Variants in FER1L5 observed in about 807,000 individuals in gnomAD.
FER1L5 encodes fer-1-like protein 5.
A neutral mutation model predicts 279.9 loss-of-function variants in FER1L5; 187 were observed. The ratio of observed to expected loss-of-function variants is 0.67; its 90% confidence interval spans 0.59 to 0.75. The LOEUF (loss-of-function observed/expected upper bound fraction) is 0.75, where lower values mean the gene tolerates loss of function less well. FER1L5 is among the 30% of genes least tolerant of loss of function. The pLI is 0.00. For missense variants in FER1L5, 2,091 were observed against 2,594.4 expected (o/e 0.81, Z 4.21); for synonymous variants, 921 against 989.7 (o/e 0.93, Z 1.30).
In FER1L5 at chr2:96,664,170, G is replaced by C. The variant is rs140920999; in HGVS notation, c.1140+663G>C. ...GAGAGAGAGGAAGGAGAGAGGGAGG[G>C]AAGGAGGGATGGAAGGGGAGGGAAG... On this transcript the variant is annotated intron_variant, in intron 14 of 52. Transcript: ENST00000624922. Among the ~76,000 whole-genome samples, 438 of 151,314 alleles carry C rather than the reference G, an allele frequency of 2.9e-3. 2 individuals are homozygous for C. The highest frequency in any genetic ancestry group is 0.01 in the African/African-American group (419 of 41,278).
intron 9 of FER1L5, 110 bp from the exon 10 acceptor site, chr2:96,660,231 G>T: frequency 9.3e-7 from 1 of 1,080,708 alleles, no homozygotes; most frequent in South Asian, 1.3e-5. Flanking sequence ...AGGAGTTAGG[G>T]CAGAGAACAT....
intron 14 of FER1L5, among the ~76,000 whole-genome samples, chr2:96,664,137 A>G (rs1265492614): frequency 2.7e-5 from 4 of 150,848 alleles, no homozygotes; most frequent in African/African-American, 9.7e-5. Flanking sequence ...GAAAAAAGAA[A>G]AGAGAGAGAG....
Position 96,697,773 on chromosome 2 carries a change from G to C in FER1L5, c.4236+12G>C. The C allele has an allele frequency of 6.2e-7, 1 of 1,612,816 alleles. No homozygotes were observed. Among genetic ancestry groups the C allele is most frequent in the Non-Finnish European group, 8.5e-7 (1 of 1,178,916 alleles). On this transcript the variant is annotated intron_variant, in intron 39 of 52. Coordinates refer to ENST00000624922, the MANE Select transcript of FER1L5 (RefSeq NM_001293083.2). ...ACCACACCCTCAAGGTTTGAAGGAGGGAAGAAATGGGATGGAATCAAATCT... is the reference window on the plus strand; with the variant it reads ...ACCACACCCTCAAGGTTTGAAGGAGCGAAGAAATGGGATGGAATCAAATCT...
intron 9 of FER1L5, among the ~76,000 whole-genome samples, chr2:96,659,417 CTTTCTTTCTTTCTT>C (rs2075817823): frequency 1.4e-4 from 1 of 7,214 alleles, no homozygotes; most frequent in Non-Finnish European, 2.2e-4. Flanking sequence ...TTCTTTCTTT[CTTTCTTTCTTTCTT>C]TCTTTCTTTC....
chr2:96,648,421 G>C (rs1412808699), intron 4 of FER1L5, among the ~76,000 whole-genome samples: 1 of 152,264 alleles, frequency 6.6e-6, no homozygotes, highest in African/African-American at 2.4e-5. Flanking sequence ...GGGAGCGGGA[G>C]AGCTTCACAG....
chr2:96,661,076 A>C (rs1019534223), intron 10 of FER1L5, among the ~76,000 whole-genome samples: 1 of 152,202 alleles, frequency 6.6e-6, no homozygotes, highest in African/African-American at 2.4e-5. Context: ...ACCAGGCCAC[A>C]GTGAGAACAG....
rs1055323319 is a variant in FER1L5, at chr2:96,661,574, C to T, written c.895-94C>T. The T allele has an allele frequency of 5.9e-6, 9 of 1,533,358 alleles. No individual in the cohort carries two copies. In the African/African-American group the frequency reaches 6.9e-5, roughly 12 times the overall value. 95.0% of individuals were successfully genotyped at this position (1,533,358 alleles called of 1,614,324 possible). A position where few individuals can be genotyped will look rare whatever the true frequency, so the allele number is the denominator to read the frequency against. On this transcript the variant is annotated intron_variant, in intron 11 of 52. Transcript: ENST00000624922. ...TCACTGCAGGGTTGTCCCATCCCCC[C>T]TGCACCAAGTGGGAAGTTGGAGAAG...
intron 3 of FER1L5, among the ~76,000 whole-genome samples, 189 bp downstream of exon 3, chr2:96,647,344 A>C (rs759085970): frequency 1.3e-5 from 2 of 152,170 alleles, no homozygotes; most frequent in Non-Finnish European, 2.9e-5. Context: ...CTGGGACAGG[A>C]ACTTGGGAAC....
In FER1L5 at chr2:96,696,051, G is replaced by C; in HGVS notation, c.4058-1G>C. The C allele has an allele frequency of 6.2e-7, 1 of 1,613,926 alleles. No homozygotes were observed. Among genetic ancestry groups the C allele is most frequent in the Non-Finnish European group, 8.5e-7 (1 of 1,179,898 alleles). The stretch of plus-strand genomic sequence containing the variant: ...CTCGTCCCTGCGCTCTCCCCGCACA[G>C]CGCTGTCTGAGAAGAAGCACCAAGA... On this transcript the variant is annotated splice_acceptor_variant, in intron 36 of 52. Transcript: ENST00000624922. LOFTEE classifies it high-confidence loss of function.
chr2:96,643,362 T>TTTTATTC (rs2074966293), intron 1 of FER1L5, among the ~76,000 whole-genome samples: 1 of 152,318 alleles, frequency 6.6e-6, no homozygotes, highest in East Asian at 1.9e-4. Flanking sequence ...ATTTTTTATT[T>TTTTATTC]TTTTTGAGAC....
intron 9 of FER1L5, among the ~76,000 whole-genome samples, chr2:96,659,461 CTT>C (rs1261793955): frequency 3.9e-5 from 1 of 25,896 alleles, no homozygotes; most frequent in African/African-American, 3.4e-4. Flanking sequence ...TTCTTTCTTT[CTT>C]TCTTTCTTTC....
chr2:96,702,917 G>C lies in FER1L5; in HGVS notation c.5398-61G>C. On this transcript the variant is annotated intron_variant, in intron 48 of 52. Coordinates refer to ENST00000624922, the MANE Select transcript of FER1L5 (RefSeq NM_001293083.2). The surrounding 1 kb of genome is among the most constrained non-coding windows in gnomAD (Gnocchi z 4.0). ...TCACTGCTGGGTGGAGGGCCACTGA[G>C]GGGTGCAAGGGAAACGTCCAGGAGA... 6.4e-7 allele frequency: 1 copy of C among 1,557,002 alleles called. No homozygotes were observed. Among genetic ancestry groups the C allele is most frequent in the Non-Finnish European group, 8.7e-7 (1 of 1,146,596 alleles).
chr2:96,689,151 G>A lies in FER1L5; in HGVS notation c.2362-62G>A. On this transcript the variant is annotated intron_variant, in intron 24 of 52. Coordinates refer to ENST00000624922, the MANE Select transcript of FER1L5 (RefSeq NM_001293083.2). This position sits in a 1 kb window ranked among gnomAD's most constrained non-coding sequence, Gnocchi z 4.6. ...CCCAGAGTCAGGGGGCCCAGGGGAG[G>A]CCCATGTCCCCGCACTTTGTGCTAG... 1 of 1,504,998 alleles carries A rather than the reference G, an allele frequency of 6.6e-7. No individual in the cohort carries two copies. Among genetic ancestry groups the A allele is most frequent in the East Asian group, 2.5e-5 (1 of 40,186 alleles). The allele number at this position is 1,504,998 out of a possible 1,614,324, so 93.2% of individuals were successfully genotyped here.
At chr2:96,644,501 G>A (rs2075034548) in intron 1 of FER1L5, among the ~76,000 whole-genome samples, 1 of 149,854 alleles carries the variant, frequency 6.7e-6, no homozygotes, top group Admixed American at 6.7e-5. Context: ...AAGAGAGAAA[G>A]AGAGAGAGAG....
intron 9 of FER1L5, among the ~76,000 whole-genome samples, chr2:96,655,523 A>C (rs990655583): frequency 2.0e-5 from 3 of 152,184 alleles, no homozygotes; most frequent in African/African-American, 7.2e-5. Context: ...TTGTTTACTA[A>C]ATCTACAATG....
chr2:96,665,433 G>A (rs1328440079), intron 14 of FER1L5, among the ~76,000 whole-genome samples: 1 of 151,996 alleles, frequency 6.6e-6, no homozygotes, highest in Non-Finnish European at 1.5e-5. Context: ...GACTCTGAAA[G>A]TAGGAAGACA....
chr2:96,646,491 C>T, intron 2 of FER1L5, 38 bp downstream of exon 2: 1 of 1,548,166 alleles, frequency 6.5e-7, no homozygotes, highest in Non-Finnish European at 8.7e-7. Context: ...GAAATAACAA[C>T]CCCAACAGCA....
chr2:96,691,123 G>A lies in FER1L5; in HGVS notation c.2744-67G>A, dbSNP rs1209365627. 14 of 1,477,604 alleles carry A rather than the reference G, an allele frequency of 9.5e-6. No homozygotes were observed. The highest frequency in any genetic ancestry group is 2.3e-5 in the Admixed American group (1 of 42,634). The allele number at this position is 1,477,604 out of a possible 1,614,324, so 91.5% of individuals were successfully genotyped here. On this transcript the variant is annotated intron_variant, in intron 27 of 52. Coordinates refer to ENST00000624922, the MANE Select transcript of FER1L5 (RefSeq NM_001293083.2). This position sits in a 1 kb window ranked among gnomAD's most constrained non-coding sequence, Gnocchi z 6.0. ...AATGCCCCTCTAGGGCCTGTCTCCC[G>A]GGTTTGTCCAGGCCTCCCAACCTGC... is the stretch of plus-strand genomic sequence containing the variant.
chr2:96,660,216 A>G (rs1471529464), intron 9 of FER1L5, 125 bp from the exon 10 acceptor site: 1 of 928,106 alleles, frequency 1.1e-6, no homozygotes, highest in Non-Finnish European at 1.7e-6. Context: ...TGCTGTAAAG[A>G]TGAAAGGAGT....
Sources: gnomAD v4.1 joint callset for allele counts (sites outside exome capture counted in the v4.1 genomes callset) on GRCh38, gnomAD v4.1.1 for gene constraint, Gnocchi (gnomAD v3.1) non-coding constraint, MANE v1.5 for transcripts, NCBI Gene and HGNC (gene_info 2026-07-23, HGNC 2026-07-21) for gene names.